Variants in MCTP1 observed in about 807,000 individuals in gnomAD.
The protein encoded by MCTP1 is multiple C2 and transmembrane domain-containing protein 1.
MCTP1 carries 69 observed loss-of-function variants against 120.6 expected under a neutral mutation model. That is an observed-to-expected ratio of 0.57 (90% CI 0.47 to 0.70). The LOEUF (loss-of-function observed/expected upper bound fraction) is 0.70, where lower values mean the gene tolerates loss of function less well. Ranked by LOEUF, MCTP1 falls within the 30% of genes least tolerant of loss-of-function variation. The pLI is 0.00. For missense variants in MCTP1, 1,203 were observed against 1,248.8 expected (o/e 0.96, Z 0.55); for synonymous variants, 529 against 493.1 (o/e 1.07, Z -0.96).
chr5:94,889,315 G>A (rs770148839), intron 11 of MCTP1, among the ~76,000 whole-genome samples: 2 of 152,128 alleles, frequency 1.3e-5, no homozygotes, highest in Admixed American at 6.5e-5. Context: ...CAGGCCGGGA[G>A]CAGTGGCTTA....
intron 3 of MCTP1, among the ~76,000 whole-genome samples, chr5:94,943,726 G>C (rs1438040345): frequency 6.6e-6 from 1 of 151,964 alleles, no homozygotes; most frequent in Non-Finnish European, 1.5e-5. Flanking sequence ...GAAAAGAAGA[G>C]AGAACGAAGA....
chr5:95,044,456 C>T (rs1285864601), intron 1 of MCTP1, among the ~76,000 whole-genome samples: 2 of 152,194 alleles, frequency 1.3e-5, no homozygotes, highest in Non-Finnish European at 2.9e-5. Flanking sequence ...TTTATCTTCA[C>T]ACTTAGCCCC....
intron 17 of MCTP1, among the ~76,000 whole-genome samples, chr5:94,843,615 T>A (rs1791622723): frequency 6.6e-6 from 1 of 152,194 alleles, no homozygotes. Flanking sequence ...AAACAATGAA[T>A]TGTTAACAAT....
intron 2 of MCTP1, among the ~76,000 whole-genome samples, chr5:94,965,003 A>C (rs946322210): frequency 6.6e-6 from 1 of 152,230 alleles, no homozygotes; most frequent in East Asian, 1.9e-4. Context: ...TAGAATAATA[A>C]CTATTGGTCA....
intron 1 of MCTP1, among the ~76,000 whole-genome samples, chr5:95,193,406 G>C (rs187009597): frequency 6.6e-6 from 1 of 152,182 alleles, no homozygotes; most frequent in Admixed American, 6.5e-5. Context: ...TCTCATTCAA[G>C]CTTCATCATT....
chr5:95,091,451 C>T (rs533850370), intron 1 of MCTP1, among the ~76,000 whole-genome samples: 238 of 152,254 alleles, frequency 1.6e-3, no homozygotes, highest in African/African-American at 5.5e-3. Flanking sequence ...ACTGTTTTAA[C>T]CAATAAAGTA....
chr5:95,223,008 G>A (rs1753850297), intron 1 of MCTP1, among the ~76,000 whole-genome samples: 1 of 152,210 alleles, frequency 6.6e-6, no homozygotes, highest in African/African-American at 2.4e-5. Flanking sequence ...CTCCCTTGCT[G>A]AGGGCATCTT....
rs752489135 is a variant in MCTP1 at position 94,988,597 on chromosome 5, G to GTTT, written c.838+28767_838+28769dup. 7.8e-4 allele frequency among the ~76,000 whole-genome samples: 92 copies of GTTT among 117,420 alleles called. 1 individual carries two copies. In the East Asian group the frequency reaches 0.014, roughly 17 times the overall value. 77.0% of individuals were successfully genotyped at this position (117,420 alleles called of 152,430 possible). A position where few individuals can be genotyped will look rare whatever the true frequency, so the allele number is the denominator to read the frequency against. ...TGGCATTTAATAATTCCCTGTGTGT[G>GTTT]TTTTTTTTTTTTTTTTTTTGGTACT... On this transcript the variant is annotated intron_variant, in intron 2 of 22. Transcript: ENST00000515393.
chr5:94,871,025 A>G (rs546305621), intron 14 of MCTP1, 52 bp from the exon 15 acceptor site: 57 of 1,411,962 alleles, frequency 4.0e-5, no homozygotes, highest in Non-Finnish European at 5.2e-5. Context: ...TACTGAATAC[A>G]CTCCCTCAGT....
chr5:94,940,216 A>G (rs1323336209), intron 4 of MCTP1, 21 bp from the exon 5 acceptor site: 2 of 1,436,498 alleles, frequency 1.4e-6, no homozygotes, highest in African/African-American at 2.8e-5. Flanking sequence ...AAATATTTAG[A>G]TTTTGAACAG....
At position 94,870,406 on chromosome 5, in the gene MCTP1, T is replaced by C. The variant is rs373359985; in HGVS notation, c.2316+11A>G. 8.9e-6 allele frequency: 14 copies of C among 1,576,186 alleles called. No individual in the cohort carries two copies. The highest frequency in any genetic ancestry group is 1.3e-5 in the African/African-American group (1 of 74,214). On this transcript the variant is annotated intron_variant, in intron 16 of 22. Transcript: ENST00000515393. ...TCTTCCCAGAGGGATTAATCTTTTC[T>C]TGCTTTTTACCTGTTTAGAGAGTCT...
chr5:94,924,787 C>T (rs1430029581), intron 6 of MCTP1, among the ~76,000 whole-genome samples: 1 of 152,204 alleles, frequency 6.6e-6, no homozygotes, highest in African/African-American at 2.4e-5. Context: ...TTTCAGGAAA[C>T]TGATGACAGT....
At chr5:94,720,200 A>G (rs1478605883) in intron 19 of MCTP1, among the ~76,000 whole-genome samples, 1 of 151,948 alleles carries the variant, frequency 6.6e-6, no homozygotes, top group African/African-American at 2.4e-5. Context: ...TAAAAAGACA[A>G]TACAGGGAAG....
At chr5:95,051,850 C>T (rs963533109) in intron 1 of MCTP1, among the ~76,000 whole-genome samples, 1 of 151,774 alleles carries the variant, frequency 6.6e-6, no homozygotes, top group Non-Finnish European at 1.5e-5. Flanking sequence ...ACACAGGACA[C>T]AAAGAAGGCA....
intron 19 of MCTP1, among the ~76,000 whole-genome samples, chr5:94,753,183 G>T (rs1768906963): frequency 6.6e-6 from 1 of 152,198 alleles, no homozygotes. Context: ...AGCAACTGCA[G>T]AAGTCAGTCT....
intron 1 of MCTP1, among the ~76,000 whole-genome samples, chr5:95,176,362 T>C (rs577288295): frequency 6.6e-6 from 1 of 151,902 alleles, no homozygotes; most frequent in Non-Finnish European, 1.5e-5. Context: ...CCATCTCTAC[T>C]AAAAATACAA....
intron 2 of MCTP1, among the ~76,000 whole-genome samples, chr5:95,011,952 T>A (rs1190717858): frequency 6.6e-6 from 1 of 152,122 alleles, no homozygotes. Flanking sequence ...CAGGCTCATA[T>A]TATACTTTCC....
chr5:95,224,332 T>A lies in MCTP1; in HGVS notation c.720+59524A>T, dbSNP rs574374095. ...ATAAAACCAAAAGAAATTCCAAGAT[T>A]CATTCGTGCCTTGTCAATATCTAAG... On this transcript the variant is annotated intron_variant, in intron 1 of 22. Coordinates refer to ENST00000515393, the MANE Select transcript of MCTP1 (RefSeq NM_024717.7). Among the ~76,000 whole-genome samples the A allele has an allele frequency of 2.6e-3, 395 of 152,332 alleles. 1 individual carries two copies. The highest frequency in any genetic ancestry group is 9.3e-3 in the African/African-American group (385 of 41,572).
intron 1 of MCTP1, among the ~76,000 whole-genome samples, chr5:95,216,362 T>C (rs1753033271): frequency 6.6e-6 from 1 of 152,212 alleles, no homozygotes; most frequent in Non-Finnish European, 1.5e-5. Context: ...TCCAAGAAAC[T>C]ACAGCTGGAA....
Sources: allele counts gnomAD v4.1 joint callset (sites outside exome capture counted in the v4.1 genomes callset), GRCh38; gene constraint gnomAD v4.1.1; transcripts MANE v1.5; gene names NCBI Gene and HGNC (gene_info 2026-07-23, HGNC 2026-07-21).